The following CLIC5 variants were observed in gnomAD, a reference collection of about 807,000 sequenced individuals.
CLIC5 encodes the protein CLIC family member 5.
In CLIC5, 20 loss-of-function variants were observed where a neutral mutation model predicts 24.7. That is an observed-to-expected ratio of 0.81 (90% confidence interval 0.57 to 1.18). The LOEUF (loss-of-function observed/expected upper bound fraction) is 1.18. Ranked by LOEUF, CLIC5 falls within the 50% of genes most tolerant of loss-of-function variation. CLIC5 has a pLI of 0.00. For synonymous variants in CLIC5, 159 were observed against 135.6 expected (o/e 1.17, Z -1.20); for missense variants, 341 against 326.1 (o/e 1.05, Z -0.35).
Position 46,060,162 on chromosome 6 carries a change from C to T in CLIC5, c.540+19541G>A, listed in dbSNP as rs191341293. Among the ~76,000 whole-genome samples, 174 of 152,280 alleles carry T rather than the reference C, an allele frequency of 1.1e-3. 1 individual carries two copies. The highest frequency in any genetic ancestry group is 4.1e-3 in the African/African-American group (170 of 41,548). On this transcript the variant is annotated intron_variant, in intron 1 of 5. Coordinates refer to the CLIC5 transcript ENST00000185206. ...GTATAATTTAGGAGGCATAGTCAGT[C>T]TCTTTGAGTCTCAAATATGGTGAAG... is the stretch of plus-strand genomic sequence containing the variant.
intron 1 of CLIC5, among the ~76,000 whole-genome samples, chr6:45,963,683 A>G (rs188079741): frequency 3.7e-4 from 56 of 152,210 alleles, no homozygotes; most frequent in Non-Finnish European, 6.2e-4. Flanking sequence ...AAAGTCAGAG[A>G]AGGAAAGAAA....
At chr6:46,066,381 C>A (rs1172261322) in intron 1 of CLIC5, among the ~76,000 whole-genome samples, 1 of 152,070 alleles carries the variant, frequency 6.6e-6, no homozygotes, top group Non-Finnish European at 1.5e-5. Flanking sequence ...TTCTCCCTGA[C>A]TAGCTGGTTT....
intron 1 of CLIC5, among the ~76,000 whole-genome samples, chr6:46,002,013 C>T (rs541210927): frequency 2.0e-5 from 3 of 152,146 alleles, no homozygotes; most frequent in Non-Finnish European, 4.4e-5. Flanking sequence ...CCCCACCCCC[C>T]ACACCAGGGA....
At chr6:45,897,189 G>T (rs1030272104), downstream of CLIC5, among the ~76,000 whole-genome samples, 2 of 152,116 alleles carry the variant, frequency 1.3e-5, no homozygotes, top group African/African-American at 4.8e-5. Context: ...GCACTTCCAG[G>T]CCTCATACCC....
At chr6:45,887,400 G>T (rs891052464) in intron 6 of CLIC5, among the ~76,000 whole-genome samples, 2 of 152,118 alleles carry the variant, frequency 1.3e-5, no homozygotes, top group African/African-American at 4.8e-5. Flanking sequence ...TCTTCACACG[G>T]CTGTCTTCCC....
At chr6:46,053,041 A>G (rs1768148001) in intron 1 of CLIC5, among the ~76,000 whole-genome samples, 3 of 152,320 alleles carry the variant, frequency 2.0e-5, no homozygotes, top group Admixed American at 6.5e-5. Context: ...TAGAAGAGCT[A>G]GAAATAAGGA....
chr6:46,038,034 C>T (rs531046192), intron 1 of CLIC5, among the ~76,000 whole-genome samples: 33 of 152,212 alleles, frequency 2.2e-4, no homozygotes, highest in African/African-American at 7.7e-4. Context: ...TTTTTGTATT[C>T]ATAGGACTCA....
intron 4 of CLIC5, among the ~76,000 whole-genome samples, chr6:45,927,700 G>C (rs967452720): frequency 6.6e-6 from 1 of 152,108 alleles, no homozygotes; most frequent in Non-Finnish European, 1.5e-5. Flanking sequence ...GCTGCCCCTA[G>C]AGACTCAAAG....
At chr6:46,009,767 GA>G (rs1766735703) in intron 1 of CLIC5, among the ~76,000 whole-genome samples, 1 of 152,172 alleles carries the variant, frequency 6.6e-6, no homozygotes, top group Admixed American at 6.5e-5. Context: ...TGAAAATAAA[GA>G]GGATCCTTTA....
At position 45,926,245 on chromosome 6, in the gene CLIC5, T is replaced by A. The variant is rs5009395; in HGVS notation, c.407-11836A>T. ...TACATATACATATATATATATATAT[T>A]TTATTTTTTTTATTTTTTTTGAAAT... On this transcript the variant is annotated intron_variant, in intron 4 of 5. Coordinates refer to ENST00000339561, the MANE Select transcript of CLIC5 (RefSeq NM_016929.5). Among the ~76,000 whole-genome samples, 300 of 93,618 alleles carry A rather than the reference T, an allele frequency of 3.2e-3. 1 individual carries two copies. Among genetic ancestry groups the A allele is most frequent in the Non-Finnish European group, 5.7e-3 (205 of 35,936 alleles). The allele number at this position is 93,618 out of a possible 152,430, so 61.4% of individuals were successfully genotyped here. A position where few individuals can be genotyped will look rare whatever the true frequency, so the allele number is the denominator to read the frequency against.
intron 1 of CLIC5, among the ~76,000 whole-genome samples, chr6:45,960,037 T>G (rs1003623454): frequency 1.3e-5 from 2 of 152,086 alleles, no homozygotes; most frequent in African/African-American, 2.4e-5. Flanking sequence ...GAGAGAAGCA[T>G]ACCATATTGA....
intron 4 of CLIC5, chr6:45,919,164 C>T (rs1763150577): frequency 1.6e-5 from 15 of 940,022 alleles, no homozygotes; most frequent in Non-Finnish European, 1.8e-5. Context: ...CTAGAGAATT[C>T]TGTCTCTTTG....
At chr6:45,889,878 A>G (rs768090481) in intron 6 of CLIC5, among the ~76,000 whole-genome samples, 6 of 152,220 alleles carry the variant, frequency 3.9e-5, no homozygotes, top group Non-Finnish European at 8.8e-5. Context: ...AAAGACTAGA[A>G]ATGACTTAAA....
intron 4 of CLIC5, among the ~76,000 whole-genome samples, chr6:45,936,397 G>A (rs1381037391): frequency 6.6e-6 from 1 of 151,994 alleles, no homozygotes; most frequent in East Asian, 1.9e-4. Context: ...TAGAGATGGG[G>A]TTTTGTCATG....
At chr6:46,088,785 A>C in the CLIC5 span, among the ~76,000 whole-genome samples, 2 of 152,220 alleles carry the variant, frequency 1.3e-5, no homozygotes, top group Non-Finnish European at 2.9e-5. Context: ...ATTCAAAGAT[A>C]TCTTTCTTTA....
intron 1 of CLIC5, among the ~76,000 whole-genome samples, chr6:46,046,882 C>A (rs1394586039): frequency 3.3e-5 from 5 of 152,138 alleles, no homozygotes; most frequent in Non-Finnish European, 5.9e-5. Context: ...ATGGTGGAAA[C>A]AATCTGTGTC....
intron 2 of CLIC5, among the ~76,000 whole-genome samples, chr6:45,951,028 A>C (rs1764452457): frequency 6.6e-6 from 1 of 152,178 alleles, no homozygotes; most frequent in Non-Finnish European, 1.5e-5. Context: ...TTGTGATGGG[A>C]TTCAAATAGA....
chr6:45,936,425 G>A (rs1763938840), intron 4 of CLIC5, among the ~76,000 whole-genome samples: 1 of 151,840 alleles, frequency 6.6e-6, no homozygotes, highest in African/African-American at 2.4e-5. Context: ...GGCTGGTCTC[G>A]AACTCCCAAC....
At chr6:46,090,110 A>T in the CLIC5 span, among the ~76,000 whole-genome samples, 9 of 152,358 alleles carry the variant, frequency 5.9e-5, no homozygotes, top group African/African-American at 2.2e-4. Context: ...TATGCTCTAT[A>T]AAAAAGTAGG....
Sources: allele counts gnomAD v4.1 joint callset (sites outside exome capture counted in the v4.1 genomes callset), GRCh38; gene constraint gnomAD v4.1.1; transcripts MANE v1.5; gene names NCBI Gene and HGNC (gene_info 2026-07-23, HGNC 2026-07-21).